ATL1: variants seen among roughly 807,000 people sequenced by gnomAD.
ATL1 encodes atlastin GTPase 1.
A neutral mutation model predicts 75.5 loss-of-function variants in ATL1; 31 were observed. That is an observed-to-expected ratio of 0.41 (90% CI 0.31 to 0.55). The LOEUF is 0.55. Ranked by LOEUF, ATL1 falls within the 20% of genes least tolerant of loss-of-function variation. The pLI, the probability that ATL1 is intolerant of heterozygous loss-of-function variation, is 0.27. For missense variants in ATL1, 405 were observed against 662.6 expected (o/e 0.61, Z 4.27); for synonymous variants, 226 against 233.3 (o/e 0.97, Z 0.28).
rs1595598147 is a variant in ATL1, at chr14:50,588,133, T to A, written c.282+55T>A. The A allele has an allele frequency of 1.4e-5, 23 of 1,607,700 alleles. No individual in the cohort carries two copies. The East Asian group carries it at 5.1e-4, about 36-fold the overall frequency. ...TTTCTTCTGTGCTTCTGTCACTTCA[T>A]GTTTTTATTTCATGGTGTTCAAAAT... On this transcript the variant is annotated intron_variant, in intron 2 of 13. Transcript: ENST00000358385.
chr14:50,565,002 C>T (rs1338297124), intron 1 of ATL1, among the ~76,000 whole-genome samples: 1 of 151,986 alleles, frequency 6.6e-6, no homozygotes, highest in Non-Finnish European at 1.5e-5. Context: ...TCTACTTGGT[C>T]TTGGCTGGAC....
chr14:50,591,417 T>C (rs2039156773), intron 3 of ATL1, 118 bp from the exon 4 acceptor site: 1 of 705,852 alleles, frequency 1.4e-6, no homozygotes, highest in Non-Finnish European at 2.4e-6. Flanking sequence ...GTGTAAGAAA[T>C]TATCTAAAAT....
At chr14:50,584,577 C>T (rs1055478779) in intron 1 of ATL1, among the ~76,000 whole-genome samples, 2 of 151,870 alleles carry the variant, frequency 1.3e-5, no homozygotes, top group Non-Finnish European at 2.9e-5. Context: ...TGCGAGGTGG[C>T]GGGCACCTGT....
chr14:50,579,961 T>C (rs2039040761), intron 1 of ATL1, among the ~76,000 whole-genome samples: 1 of 152,234 alleles, frequency 6.6e-6, no homozygotes, highest in Admixed American at 6.5e-5. Context: ...TATAATGCTA[T>C]GTAAATATTT....
At chr14:50,559,795 G>T, upstream of ATL1, 1 of 159,776 alleles carries the variant, frequency 6.3e-6, no homozygotes. Context: ...TAGCTACTTT[G>T]GCTATATAAA....
chr14:50,599,165 A>T (rs952060678), intron 6 of ATL1, among the ~76,000 whole-genome samples: 3 of 152,218 alleles, frequency 2.0e-5, no homozygotes, highest in Non-Finnish European at 4.4e-5. Flanking sequence ...GAAGACATTG[A>T]CAATGTCAAA....
intron 1 of ATL1, among the ~76,000 whole-genome samples, chr14:50,541,532 G>A (rs1166332991): frequency 6.6e-6 from 1 of 152,186 alleles, no homozygotes; most frequent in Non-Finnish European, 1.5e-5. Context: ...TTTGACCCAT[G>A]TAACCTGTAT....
At chr14:50,586,302 C>T (rs1288817517) in intron 1 of ATL1, among the ~76,000 whole-genome samples, 2 of 152,162 alleles carry the variant, frequency 1.3e-5, no homozygotes, top group African/African-American at 4.8e-5. Context: ...ACATTTATTT[C>T]TCACAGTTCT....
chr14:50,570,482 C>A (rs1314405266), intron 1 of ATL1, among the ~76,000 whole-genome samples: 1 of 152,118 alleles, frequency 6.6e-6, no homozygotes, highest in African/African-American at 2.4e-5. Context: ...CACAAGTGAT[C>A]CTCTCACTTC....
chr14:50,597,889 G>A (rs2039236236), intron 6 of ATL1, among the ~76,000 whole-genome samples: 1 of 151,932 alleles, frequency 6.6e-6, no homozygotes, highest in Non-Finnish European at 1.5e-5. Context: ...TAGAGACAGG[G>A]TTTCACCATG....
intron 5 of ATL1, 98 bp from the exon 6 acceptor site, chr14:50,595,478 T>C (rs918868417): frequency 2.1e-5 from 24 of 1,125,158 alleles, no homozygotes; most frequent in Non-Finnish European, 2.8e-5. Context: ...GAAAAGTAAA[T>C]GAAAGAAAGC....
At chr14:50,599,794 A>T (rs1411084912) in intron 6 of ATL1, among the ~76,000 whole-genome samples, 1 of 152,136 alleles carries the variant, frequency 6.6e-6, no homozygotes, top group Non-Finnish European at 1.5e-5. Context: ...TAGTTGAGGA[A>T]TGGGAGTGAG....
At chr14:50,588,417 A>G (rs534846633) in intron 2 of ATL1, among the ~76,000 whole-genome samples, 1 of 152,298 alleles carries the variant, frequency 6.6e-6, no homozygotes, top group Non-Finnish European at 1.5e-5. Flanking sequence ...TTTTTCCAAC[A>G]TTTAGTATGA....
At chr14:50,538,999 T>C (rs528013039) in intron 1 of ATL1, among the ~76,000 whole-genome samples, 1 of 152,330 alleles carries the variant, frequency 6.6e-6, no homozygotes, top group African/African-American at 2.4e-5. Flanking sequence ...TTTTTATAAA[T>C]GGTCCTTTTA....
At position 50,628,112 on chromosome 14, in the gene ATL1, C is replaced by T. The variant is rs770209278; in HGVS notation, c.1201C>T (p.Leu401=). 6 of 1,614,062 alleles carry T rather than the reference C, an allele frequency of 3.7e-6. No homozygotes were observed. The African/African-American group carries it at 6.7e-5, about 18-fold the overall frequency. ...GCAACTTAAGGAAGAATCTGTGAAG[C>T]TATTCCGAGGGGTGAAGAAGATGGG... ...HLQLKEESVK[L]FRGVKKMGGE... is the part of the protein sequence containing the mutation. Residue 401 remains leucine (L), a synonymous_variant, in exon 12 of 14, where the codon CTA becomes TTA. Coordinates refer to ENST00000358385, the MANE Select transcript of ATL1 (RefSeq NM_015915.5).
At chr14:50,592,063 A>G (rs2039164028) in intron 4 of ATL1, among the ~76,000 whole-genome samples, 1 of 152,198 alleles carries the variant, frequency 6.6e-6, no homozygotes, top group Admixed American at 6.5e-5. Flanking sequence ...ACATGTGTTC[A>G]TAGCTTTTAA....
intron 7 of ATL1, 122 bp from the exon 8 acceptor site, chr14:50,614,251 G>A: frequency 9.3e-7 from 1 of 1,077,976 alleles, no homozygotes; most frequent in East Asian, 2.5e-5. Context: ...TTTAGTAGCA[G>A]CCCTGTCGTG....
intron 6 of ATL1, among the ~76,000 whole-genome samples, chr14:50,605,440 C>A (rs975035799): frequency 6.6e-6 from 1 of 151,792 alleles, no homozygotes; most frequent in Non-Finnish European, 1.5e-5. Context: ...CTCATTCAAC[C>A]TTTTTATTCT....
intron 11 of ATL1, among the ~76,000 whole-genome samples, chr14:50,626,170 G>A (rs2039518722): frequency 6.6e-6 from 1 of 152,192 alleles, no homozygotes; most frequent in Admixed American, 6.5e-5. Context: ...CTACAGCCCA[G>A]GATCAAGGAG....
Sources: gnomAD v4.1 joint callset for allele counts (sites outside exome capture counted in the v4.1 genomes callset) on GRCh38, gnomAD v4.1.1 for gene constraint, MANE v1.5 for transcripts, NCBI Gene and HGNC (gene_info 2026-07-23, HGNC 2026-07-21) for gene names.